Variants in MAGI3 observed in about 807,000 individuals in gnomAD.
MAGI3 encodes membrane-associated guanylate kinase, WW and PDZ domain-containing protein 3.
In MAGI3, 43 loss-of-function variants were observed where a neutral mutation model predicts 121.8. The observed-to-expected ratio is 0.35, with a 90% confidence interval of 0.28 to 0.46. MAGI3 has a LOEUF of 0.46. Among genes scored for constraint, MAGI3 ranks in the 20% least tolerant of loss-of-function variants. MAGI3 has a pLI of 1.00. For missense variants in MAGI3, 1,547 were observed against 1,797.3 expected (o/e 0.86, Z 2.52); for synonymous variants, 553 against 639.3 (o/e 0.86, Z 2.04).
chr1:113,472,249 C>T (rs1655576206), intron 1 of MAGI3, among the ~76,000 whole-genome samples: 1 of 150,254 alleles, frequency 6.7e-6, no homozygotes, highest in African/African-American at 2.5e-5. Context: ...GTCACCCAGG[C>T]TGGAGTGCAG....
intron 1 of MAGI3, among the ~76,000 whole-genome samples, chr1:113,449,448 C>G (rs1277663467): frequency 6.6e-6 from 1 of 151,600 alleles, no homozygotes; most frequent in Non-Finnish European, 1.5e-5. Flanking sequence ...CAAATGAATT[C>G]ACTTAGAAGA....
chr1:113,408,589 T>C (rs1384969820), intron 1 of MAGI3, among the ~76,000 whole-genome samples: 1 of 152,152 alleles, frequency 6.6e-6, no homozygotes, highest in South Asian at 2.1e-4. Flanking sequence ...CATATTGATA[T>C]TATTTTTATG....
rs1280862573 is a variant in MAGI3, at chr1:113,683,851, A to C, written c.4283A>C (p.Lys1428Thr). The part of the protein sequence containing the change: ...KVVSNKTEDH[K>T]GKELEAADKN... ...GTTTCAAACAAAACAGAAGATCACA[A>C]AGGGAAAGAACTAGAGGCAGCTGAC... is the stretch of plus-strand genomic sequence containing the variant. The change falls in exon 21 of 21, where the codon AAA becomes ACA. Residue 1428 changes from lysine to threonine, a missense_variant. Physicochemically the swap from Lys to Thr is moderately conservative, Grantham distance 78 (BLOSUM62 -1). Transcript: ENST00000307546. The C allele has an allele frequency of 2.5e-6, 4 of 1,612,530 alleles. No homozygotes were observed. In the African/African-American group the frequency reaches 5.3e-5, roughly 22 times the overall value.
rs540013101 is a variant in MAGI3, at chr1:113,480,634, G to A, written c.317-68881G>A. ...TTTCTCTTTACACTGTGCTGTGCAG[G>A]GTAGGAATGAATGATACAGGTAATG... On this transcript the variant is annotated intron_variant, in intron 1 of 20. Transcript: ENST00000307546. 4.4e-4 allele frequency among the ~76,000 whole-genome samples: 67 copies of A among 152,296 alleles called. 1 individual carries two copies. The highest frequency in any genetic ancestry group is 1.9e-4 in the East Asian group (1 of 5,182).
intron 1 of MAGI3, among the ~76,000 whole-genome samples, chr1:113,451,653 G>T (rs1173822232): frequency 6.6e-6 from 1 of 152,000 alleles, no homozygotes; most frequent in African/African-American, 2.4e-5. Context: ...GGTGGAAATG[G>T]GTAGTATGAT....
chr1:113,562,444 A>T (rs191000019), intron 2 of MAGI3, among the ~76,000 whole-genome samples: 134 of 152,304 alleles, frequency 8.8e-4, no homozygotes, highest in African/African-American at 3.2e-3. Flanking sequence ...AAATGGAAAA[A>T]CATTCCATAC....
chr1:113,635,836 G>A (rs1340550645), intron 9 of MAGI3, among the ~76,000 whole-genome samples: 1 of 151,500 alleles, frequency 6.6e-6, no homozygotes, highest in African/African-American at 2.4e-5. Context: ...GTAGAATTCG[G>A]CTGTGAATCC....
intron 1 of MAGI3, among the ~76,000 whole-genome samples, chr1:113,425,775 T>C (rs1211546785): frequency 6.6e-6 from 1 of 152,162 alleles, no homozygotes; most frequent in East Asian, 1.9e-4. Flanking sequence ...ATTCCTGACA[T>C]TGGTGATTTG....
chr1:113,682,967 T>A lies in MAGI3; in HGVS notation c.3399T>A (p.Ser1133=). The change falls in exon 21 of 21, where the codon TCT becomes TCA. Residue 1133 remains serine (S), a synonymous_variant. Coordinates refer to ENST00000307546, the MANE Select transcript of MAGI3 (RefSeq NM_001142782.2). ...IYDEQSPLPP[S]SHFASIFEES... The stretch of plus-strand genomic sequence containing the variant: ...ATGAACAGTCACCATTACCCCCATC[T>A]TCACATTTTGCTTCCATATTTGAAG... The A allele has an allele frequency of 6.2e-7, 1 of 1,613,618 alleles. No homozygotes were observed. The highest frequency in any genetic ancestry group is 1.1e-5 in the South Asian group (1 of 90,920).
chr1:113,627,277 C>T (rs1651302460), intron 9 of MAGI3, among the ~76,000 whole-genome samples: 1 of 151,738 alleles, frequency 6.6e-6, no homozygotes, highest in Admixed American at 6.6e-5. Flanking sequence ...GATTTTATTC[C>T]ATAGCAGTTG....
At chr1:113,655,668 T>C (rs897784934) in intron 15 of MAGI3, among the ~76,000 whole-genome samples, 2 of 152,204 alleles carry the variant, frequency 1.3e-5, no homozygotes, top group African/African-American at 4.8e-5. Flanking sequence ...AGTGTTGTGT[T>C]TTGTAATCCA....
In MAGI3 at chr1:113,584,966, C is replaced by CAATTTTTTTTTTTTTTTTTTTTTTTTT. The variant is rs61622151; in HGVS notation, c.554-421_554-420insAATTTTTTTTTTTTTTTTTTTTTTTTT. On this transcript the variant is annotated intron_variant, in intron 3 of 20. Coordinates refer to ENST00000307546, the MANE Select transcript of MAGI3 (RefSeq NM_001142782.2). ...TCCTTTTGGCCAATGGTAGATATTT[C>CAATTTTTTTTTTTTTTTTTTTTTTTTT]CTTTTTTTTTTTTTTTTTTTTTTGA... is the stretch of plus-strand genomic sequence containing the variant. 3.6e-5 allele frequency among the ~76,000 whole-genome samples: 4 copies of CAATTTTTTTTTTTTTTTTTTTTTTTTT among 110,730 alleles called. 1 individual carries two copies. Among genetic ancestry groups the CAATTTTTTTTTTTTTTTTTTTTTTTTT allele is most frequent in the African/African-American group, 3.7e-5 (1 of 27,324 alleles). 72.6% of individuals were successfully genotyped at this position (110,730 alleles called of 152,430 possible).
At chr1:113,628,380 C>T (rs999473221) in intron 9 of MAGI3, among the ~76,000 whole-genome samples, 3 of 152,034 alleles carry the variant, frequency 2.0e-5, no homozygotes, top group Admixed American at 2.0e-4. Context: ...TCTTATTGTA[C>T]TTTGTCTTGA....
At chr1:113,563,166 A>G (rs1480849445) in intron 2 of MAGI3, among the ~76,000 whole-genome samples, 1 of 152,236 alleles carries the variant, frequency 6.6e-6, no homozygotes, top group African/African-American at 2.4e-5. Context: ...TTGGTATAAC[A>G]TTTGAAAATT....
At chr1:113,427,427 T>A (rs1653065736) in intron 1 of MAGI3, among the ~76,000 whole-genome samples, 5 of 152,236 alleles carry the variant, frequency 3.3e-5, no homozygotes, top group Admixed American at 2.0e-4. Context: ...TTCCCAGTCA[T>A]AAACTCTCTT....
At chr1:113,392,386 C>T (rs557139052) in intron 1 of MAGI3, among the ~76,000 whole-genome samples, 52 of 152,268 alleles carry the variant, frequency 3.4e-4, no homozygotes, top group African/African-American at 1.2e-3. Context: ...TAATTGTTAC[C>T]TGGGCTAGGT....
intron 1 of MAGI3, among the ~76,000 whole-genome samples, chr1:113,443,276 C>G (rs1386047512): frequency 6.6e-6 from 1 of 152,074 alleles, no homozygotes. Flanking sequence ...TCCAGTAGTT[C>G]TGATTAGAGT....
intron 1 of MAGI3, among the ~76,000 whole-genome samples, chr1:113,439,692 C>T (rs1414062844): frequency 6.6e-6 from 1 of 152,136 alleles, no homozygotes; most frequent in African/African-American, 2.4e-5. Context: ...TTGAGTGTCT[C>T]TTATGTGCCA....
chr1:113,596,484 A>G (rs765365314), intron 6 of MAGI3, among the ~76,000 whole-genome samples: 1 of 152,200 alleles, frequency 6.6e-6, no homozygotes, highest in East Asian at 1.9e-4. Flanking sequence ...GAAAAAGTTA[A>G]TATTTTGCAT....
Sources: gnomAD v4.1 joint callset for allele counts (sites outside exome capture counted in the v4.1 genomes callset) on GRCh38, gnomAD v4.1.1 for gene constraint, MANE v1.5 for transcripts, NCBI Gene and HGNC (gene_info 2026-07-23, HGNC 2026-07-21) for gene names.